The following PTPRN2 variants were observed in gnomAD, a reference collection of about 807,000 sequenced individuals.
PTPRN2 encodes receptor-type tyrosine-protein phosphatase N2.
Under a neutral mutation model 118.8 loss-of-function variants are expected in PTPRN2, and 74 were observed. The ratio of observed to expected loss-of-function variants is 0.62; its 90% CI spans 0.52 to 0.76. PTPRN2 has a LOEUF of 0.76. PTPRN2 is among the 30% of genes least tolerant of loss of function. The probability of loss-of-function intolerance (pLI) is 0.00; values close to 1 mark genes in which losing one functional copy is unlikely to be tolerated. For missense variants in PTPRN2, 1,481 were observed against 1,394.4 expected (o/e 1.06, Z -0.99); for synonymous variants, 641 against 608.0 (o/e 1.05, Z -0.80).
rs540683960 is a variant in PTPRN2 at position 157,942,021 on chromosome 7, C to T, written c.1724-43284G>A. Among the ~76,000 whole-genome samples the T allele has an allele frequency of 1.9e-4, 28 of 151,022 alleles. 1 individual carries two copies. In the South Asian group the frequency reaches 2.5e-3, roughly 14 times the overall value. Reference sequence around the variant, plus strand: ...AATATGGGGGTCCTTAGCACACCTTCGCACACGGGGGTCCTCGGCCCACCC... The same window carrying T: ...AATATGGGGGTCCTTAGCACACCTTTGCACACGGGGGTCCTCGGCCCACCC... On this transcript the variant is annotated intron_variant, in intron 11 of 22. Transcript: ENST00000389418.
At position 157,617,686 on chromosome 7, in the gene PTPRN2, G is replaced by A. The variant is rs1486617427; in HGVS notation, c.2344+3676C>T. On this transcript the variant is annotated intron_variant, in intron 15 of 22. Coordinates refer to ENST00000389418, the MANE Select transcript of PTPRN2 (RefSeq NM_002847.5). The surrounding 1 kb of genome is among the most constrained non-coding windows in gnomAD (Gnocchi z 7.5). Reference sequence around the variant, plus strand: ...ACCACGCTGCAAGGCAAGGGCCTGGGAGATGCCCACAGCCGCGCCTCTGGC... The same window carrying A: ...ACCACGCTGCAAGGCAAGGGCCTGGAAGATGCCCACAGCCGCGCCTCTGGC... 6.6e-6 allele frequency: 1 copy of A among 152,322 alleles called. No individual in the cohort carries two copies. Among genetic ancestry groups the A allele is most frequent in the African/African-American group, 2.4e-5 (1 of 41,478 alleles). 9.4% of individuals were successfully genotyped at this position (152,322 alleles called of 1,614,324 possible). A position where few individuals can be genotyped will look rare whatever the true frequency, so the allele number is the denominator to read the frequency against.
At chr7:158,281,315 T>C (rs1799407736) in intron 3 of PTPRN2, among the ~76,000 whole-genome samples, 2 of 152,074 alleles carry the variant, frequency 1.3e-5, no homozygotes, top group South Asian at 4.1e-4. Context: ...AATAAGCAAA[T>C]ACATTTTGTG....
chr7:157,910,769 G>A (rs371825990), intron 11 of PTPRN2, among the ~76,000 whole-genome samples: 3 of 152,230 alleles, frequency 2.0e-5, no homozygotes, highest in Non-Finnish European at 4.4e-5. Context: ...GACAGAGCAC[G>A]TTCCTGTAAC....
intron 11 of PTPRN2, among the ~76,000 whole-genome samples, chr7:158,047,595 A>G (rs1270328799): frequency 3.3e-5 from 5 of 151,114 alleles, no homozygotes; most frequent in Admixed American, 6.6e-5. Flanking sequence ...CTGAGAGTGC[A>G]AGGGCTACCT....
intron 2 of PTPRN2, among the ~76,000 whole-genome samples, chr7:158,473,969 A>G (rs1038956808): frequency 8.5e-5 from 13 of 152,284 alleles, no homozygotes; most frequent in Admixed American, 3.3e-4. Flanking sequence ...ACAACCCTTC[A>G]TGGTAAAAGC....
chr7:158,066,721 G>A (rs1035704959), intron 11 of PTPRN2, among the ~76,000 whole-genome samples: 21 of 151,996 alleles, frequency 1.4e-4, no homozygotes, highest in African/African-American at 4.8e-4. Context: ...TACCCAGATT[G>A]TATACTTTAT....
At chr7:157,898,831 T>C (rs56112490) in intron 11 of PTPRN2, 94 bp from the exon 12 acceptor site, 390,016 of 1,133,220 alleles carry the variant, frequency 0.34, 71,060 homozygotes, top group Non-Finnish European at 0.39. Flanking sequence ...AAAATTTCAA[T>C]TACATGACTG....
chr7:158,025,191 A>G (rs1807173485), intron 11 of PTPRN2, among the ~76,000 whole-genome samples: 2 of 152,182 alleles, frequency 1.3e-5, no homozygotes, highest in Admixed American at 6.5e-5. Context: ...ATCATTTCAG[A>G]GTGGGAGAGC....
At position 157,583,532 on chromosome 7, in the gene PTPRN2, C is replaced by T. The variant is rs1800501332; in HGVS notation, c.2497-5392G>A. Among the ~76,000 whole-genome samples, 1 of 152,130 alleles carries T rather than the reference C, an allele frequency of 6.6e-6. No individual in the cohort carries two copies. The highest frequency in any genetic ancestry group is 1.5e-5 in the Non-Finnish European group (1 of 68,020). On this transcript the variant is annotated intron_variant, in intron 17 of 22. Transcript: ENST00000389418. This position sits in a 1 kb window ranked among gnomAD's most constrained non-coding sequence, Gnocchi z 5.5. The stretch of plus-strand genomic sequence containing the variant: ...TATTCATTAGCTTGACTGTGGTCAT[C>T]ATTCACGATGTCTGCGTGTGTCAGA...
At chr7:158,298,526 T>G (rs896232212) in intron 3 of PTPRN2, among the ~76,000 whole-genome samples, 1 of 152,234 alleles carries the variant, frequency 6.6e-6, no homozygotes, top group East Asian at 1.9e-4. Flanking sequence ...GGTAATGTTA[T>G]GTAATTTTTA....
At chr7:158,120,545 T>C (rs73512371) in intron 9 of PTPRN2, among the ~76,000 whole-genome samples, 1 of 152,334 alleles carries the variant, frequency 6.6e-6, no homozygotes, top group African/African-American at 2.4e-5. Context: ...AGCTCCTTTC[T>C]GCTCCCTGTC....
At chr7:158,213,474 A>T (rs140028142) in intron 3 of PTPRN2, among the ~76,000 whole-genome samples, 124 of 152,282 alleles carry the variant, frequency 8.1e-4, no homozygotes, top group African/African-American at 2.7e-3. Context: ...AAAATTCACC[A>T]TTAGGATGGC....
chr7:158,141,169 G>T (rs573979178), intron 6 of PTPRN2, among the ~76,000 whole-genome samples: 1 of 152,302 alleles, frequency 6.6e-6, no homozygotes, highest in East Asian at 1.9e-4. Context: ...GCCCTAGAGG[G>T]ATCTCGGCAC....
chr7:157,728,969 G>A (rs1047720784), intron 12 of PTPRN2, among the ~76,000 whole-genome samples: 13 of 152,286 alleles, frequency 8.5e-5, no homozygotes, highest in African/African-American at 1.2e-4. Context: ...CGAGGGAGAC[G>A]GCGCTGACCC....
chr7:157,613,820 G>A (rs1802558209), intron 15 of PTPRN2, among the ~76,000 whole-genome samples: 1 of 152,164 alleles, frequency 6.6e-6, no homozygotes, highest in Non-Finnish European at 1.5e-5. Context: ...GGTCCCGAGG[G>A]CACCCCGGGC....
intron 11 of PTPRN2, among the ~76,000 whole-genome samples, chr7:158,017,306 G>C (rs1434418827): frequency 6.6e-6 from 1 of 152,164 alleles, no homozygotes; most frequent in African/African-American, 2.4e-5. Flanking sequence ...GGAATCACTA[G>C]AGAGAGGCTT....
At chr7:157,756,361 C>G (rs1585389613) in intron 12 of PTPRN2, among the ~76,000 whole-genome samples, 1 of 151,334 alleles carries the variant, frequency 6.6e-6, no homozygotes, top group African/African-American at 2.4e-5. Flanking sequence ...GTGGCGCGAT[C>G]TCGGCTCACT....
Position 158,114,166 on chromosome 7 carries a change from C to T in PTPRN2, c.1557-3251G>A, listed in dbSNP as rs376478247. On this transcript the variant is annotated intron_variant, in intron 9 of 22. Transcript: ENST00000389418. ...CAATGGAAAGGTGAGGCTGCATCCA[C>T]GTACCACAGGCCTTCCCTGCCCAGT... Among the ~76,000 whole-genome samples the T allele has an allele frequency of 1.1e-4, 17 of 152,352 alleles. No individual in the cohort carries two copies. The East Asian group carries it at 2.9e-3, about 26-fold the overall frequency.
In PTPRN2 at chr7:157,732,168, T is replaced by C. The variant is rs190847746; in HGVS notation, c.1789-49231A>G. ...AGCACAGTTACCCTTTCCCGTCCCA[T>C]GCGCCCAGCACAGTTACCCTTTTCC... On this transcript the variant is annotated intron_variant, in intron 12 of 22. Coordinates refer to ENST00000389418, the MANE Select transcript of PTPRN2 (RefSeq NM_002847.5). Among the ~76,000 whole-genome samples, 219 of 39,196 alleles carry C rather than the reference T, an allele frequency of 5.6e-3. 2 individuals carry two copies. The highest frequency in any genetic ancestry group is 0.02 in the East Asian group (15 of 744). The allele number at this position is 39,196 out of a possible 152,430, so 25.7% of individuals were successfully genotyped here. A position where few individuals can be genotyped will look rare whatever the true frequency, so the allele number is the denominator to read the frequency against.
Sources: allele counts gnomAD v4.1 joint callset (sites outside exome capture counted in the v4.1 genomes callset), GRCh38; gene constraint gnomAD v4.1.1; non-coding constraint Gnocchi (gnomAD v3.1); transcripts MANE v1.5; gene names NCBI Gene and HGNC (gene_info 2026-07-23, HGNC 2026-07-21).